Variants in NAALADL2 observed in about 807,000 individuals in gnomAD.
NAALADL2 encodes the protein N-acetylated alpha-linked acidic dipeptidase like 2.
Under a neutral mutation model 87.2 loss-of-function variants are expected in NAALADL2, and 76 were observed. The observed-to-expected ratio is 0.87, with a 90% CI of 0.72 to 1.05. The LOEUF is 1.05. Ranked by LOEUF, NAALADL2 falls within the 50% of genes least tolerant of loss-of-function variation. NAALADL2 has a pLI of 0.00. For missense variants in NAALADL2, 1,089 were observed against 945.8 expected (o/e 1.15, Z -1.99); for synonymous variants, 354 against 331.0 (o/e 1.07, Z -0.75).
In NAALADL2 at chr3:175,708,944, C is replaced by A. The variant is rs1052504236; in HGVS notation, c.1897-28362C>A. On this transcript the variant is annotated intron_variant, in intron 11 of 13. Transcript: ENST00000454872. ...ACTCATGTACATTGTCTCCCCTAAA[C>A]CTGATAATAGACATTTTCTTCAAGG... 1.3e-4 allele frequency among the ~76,000 whole-genome samples: 19 copies of A among 151,840 alleles called. 1 individual carries two copies. In the East Asian group the frequency reaches 3.3e-3, roughly 26 times the overall value.
intron 1 of NAALADL2, among the ~76,000 whole-genome samples, chr3:174,480,373 T>C (rs1272470840): frequency 6.6e-6 from 1 of 152,060 alleles, no homozygotes; most frequent in South Asian, 2.1e-4. Context: ...TAGACAGATA[T>C]TTAGCTTTAA....
intron 5 of NAALADL2, among the ~76,000 whole-genome samples, chr3:175,405,095 T>C (rs1026429249): frequency 6.6e-6 from 1 of 152,296 alleles, no homozygotes; most frequent in African/African-American, 2.4e-5. Context: ...CATGAATATA[T>C]AGATTTTGAT....
intron 1 of NAALADL2, among the ~76,000 whole-genome samples, chr3:175,008,296 G>T (rs1749309649): frequency 6.6e-6 from 1 of 152,122 alleles, no homozygotes; most frequent in Admixed American, 6.5e-5. Flanking sequence ...AGGCAGGATT[G>T]CTTGAGCGCA....
chr3:174,522,074 G>A (rs2108414991), intron 1 of NAALADL2, among the ~76,000 whole-genome samples: 1 of 152,262 alleles, frequency 6.6e-6, no homozygotes, highest in East Asian at 1.9e-4. Flanking sequence ...ACTCCAGCCT[G>A]GGCAACAGAG....
At chr3:175,245,756 C>G (rs375801409) in intron 3 of NAALADL2, among the ~76,000 whole-genome samples, 1 of 152,170 alleles carries the variant, frequency 6.6e-6, no homozygotes, top group Non-Finnish European at 1.5e-5. Flanking sequence ...GTATATCTTA[C>G]GCTTAATTCT....
chr3:175,101,902 G>A (rs932725278), intron 2 of NAALADL2, among the ~76,000 whole-genome samples: 11 of 151,680 alleles, frequency 7.3e-5, no homozygotes, highest in African/African-American at 2.4e-4. Flanking sequence ...AATTATAAGT[G>A]CAATATGTAC....
chr3:175,673,623 T>C (rs1332370746), intron 11 of NAALADL2, among the ~76,000 whole-genome samples: 2 of 152,056 alleles, frequency 1.3e-5, no homozygotes, highest in Non-Finnish European at 2.9e-5. Context: ...ATTCAGAAGA[T>C]TCAGAATTCT....
At chr3:175,144,540 A>G (rs1398581451) in intron 2 of NAALADL2, among the ~76,000 whole-genome samples, 1 of 152,006 alleles carries the variant, frequency 6.6e-6, no homozygotes, top group Non-Finnish European at 1.5e-5. Context: ...AAACTTTCTT[A>G]TGATTGCGCA....
intron 9 of NAALADL2, among the ~76,000 whole-genome samples, chr3:175,554,980 CTT>C (rs1715024339): frequency 6.6e-6 from 1 of 152,024 alleles, no homozygotes; most frequent in African/African-American, 2.4e-5. Context: ...CTAAGAAAGA[CTT>C]TTATAGATTT....
intron 5 of NAALADL2, among the ~76,000 whole-genome samples, chr3:175,346,316 G>A (rs2148858795): frequency 6.6e-6 from 1 of 151,744 alleles, no homozygotes; most frequent in East Asian, 1.9e-4. Context: ...ACACACATAT[G>A]AATATAAATT....
In NAALADL2 at chr3:174,916,946, A is replaced by C. The variant is rs1734499425; in HGVS notation, c.43+57496A>C. 2.0e-5 allele frequency among the ~76,000 whole-genome samples: 3 copies of C among 152,138 alleles called. No individual in the cohort carries two copies. The South Asian group carries it at 6.2e-4, about 32-fold the overall frequency. On this transcript the variant is annotated intron_variant, in intron 1 of 13. Transcript: ENST00000454872. ...TTAATATATAGCATCTAGTGTCATTATCTCTACTAGATTTCATACATTATG... is the reference window on the plus strand; with the variant it reads ...TTAATATATAGCATCTAGTGTCATTCTCTCTACTAGATTTCATACATTATG...
chr3:175,154,222 C>A (rs1456366771), intron 2 of NAALADL2, among the ~76,000 whole-genome samples: 1 of 152,052 alleles, frequency 6.6e-6, no homozygotes, highest in Non-Finnish European at 1.5e-5. Context: ...GTACCTTTAT[C>A]ACTAGAAAAA....
intron 2 of NAALADL2, among the ~76,000 whole-genome samples, chr3:174,689,890 C>T (rs989117268): frequency 6.6e-6 from 1 of 151,962 alleles, no homozygotes; most frequent in South Asian, 2.1e-4. Flanking sequence ...CTACTCACAT[C>T]AACTAATCAA....
chr3:175,732,581 C>A (rs1743920156), intron 11 of NAALADL2, among the ~76,000 whole-genome samples: 1 of 152,148 alleles, frequency 6.6e-6, no homozygotes, highest in Non-Finnish European at 1.5e-5. Context: ...TGGAGGTTCA[C>A]AGTTTTTAGA....
At chr3:175,421,330 T>C (rs373362507) in intron 5 of NAALADL2, among the ~76,000 whole-genome samples, 9 of 152,168 alleles carry the variant, frequency 5.9e-5, no homozygotes, top group Middle Eastern at 3.4e-3. Context: ...AGGAACTTAA[T>C]CAAAATGTGA....
At chr3:175,164,100 CTAA>C (rs1733631185) in intron 2 of NAALADL2, among the ~76,000 whole-genome samples, 1 of 151,846 alleles carries the variant, frequency 6.6e-6, no homozygotes, top group African/African-American at 2.4e-5. Context: ...ATTTTAAGAA[CTAA>C]TAATAAGTTC....
At chr3:175,618,145 C>T (rs1725610709) in intron 10 of NAALADL2, among the ~76,000 whole-genome samples, 1 of 152,174 alleles carries the variant, frequency 6.6e-6, no homozygotes, top group Non-Finnish European at 1.5e-5. Context: ...ATTTCAAATA[C>T]TTGAGTTAAA....
At chr3:174,969,044 C>T (rs562433414) in intron 1 of NAALADL2, among the ~76,000 whole-genome samples, 3 of 152,248 alleles carry the variant, frequency 2.0e-5, no homozygotes, top group East Asian at 3.9e-4. Flanking sequence ...AATAATTTCC[C>T]GAAGGTTATA....
intron 12 of NAALADL2, among the ~76,000 whole-genome samples, chr3:175,744,986 C>T (rs7637270): frequency 0.25 from 37,453 of 151,438 alleles, 5,007 homozygotes; most frequent in African/African-American, 0.35. Context: ...AAGGCTGAAC[C>T]AGAAAATACT....
Sources: allele counts gnomAD v4.1 joint callset (sites outside exome capture counted in the v4.1 genomes callset), GRCh38; gene constraint gnomAD v4.1.1; transcripts MANE v1.5; gene names NCBI Gene and HGNC (gene_info 2026-07-23, HGNC 2026-07-21).